The following HCCS variants were observed in gnomAD, a reference collection of about 807,000 sequenced individuals.
HCCS encodes holocytochrome c-type synthase.
Under a neutral mutation model 24.2 loss-of-function variants are expected in HCCS, and 2 were observed. The ratio of observed to expected loss-of-function variants is 0.08; its 90% CI spans 0.03 to 0.26. The LOEUF (loss-of-function observed/expected upper bound fraction) is 0.26, where lower values mean the gene tolerates loss of function less well. HCCS is among the 10% of genes least tolerant of loss of function. HCCS has a pLI of 1.00. For synonymous variants in HCCS, 73 were observed against 76.2 expected (o/e 0.96, Z 0.22); for missense variants, 150 against 213.3 (o/e 0.70, Z 1.85).
chrX:11,119,281 A>G (rs1341921645), intron 5 of HCCS, among the ~76,000 whole-genome samples: 2 of 112,008 alleles, frequency 1.8e-5, no homozygotes, highest in South Asian at 3.7e-4. Flanking sequence ...ACTAAACACA[A>G]AGAGATGTCT....
intron 6 of HCCS, 54 bp downstream of exon 6, chrX:11,121,047 T>C: frequency 1.1e-6 from 1 of 944,915 alleles, no homozygotes; most frequent in Non-Finnish European, 1.5e-6. Flanking sequence ...GGGTCAACTT[T>C]CTCTTCACAC....
Position 11,114,993 on chromosome X carries a change from C to T in HCCS, c.252+7C>T. ...CCTAGATCCTTCAAATCTGGTAATC[C>T]ACACTCATCTTTTCTTTCTGGAGCT... On this transcript the variant is annotated splice_region_variant and intron_variant, in intron 3 of 6. Coordinates refer to ENST00000380762, the MANE Select transcript of HCCS (RefSeq NM_005333.5). The T allele has an allele frequency of 8.3e-7, 1 of 1,204,266 alleles. No individual in the cohort carries two copies. The highest frequency in any genetic ancestry group is 1.7e-5 in the African/African-American group (1 of 57,716).
At position 11,122,151 on chromosome X, in the gene HCCS, T is replaced by A. The variant is rs937678280; in HGVS notation, c.*341T>A. Reference sequence around the variant, plus strand: ...AAAAAGTGATGAAAGTTGCTTTTTTTTCTTACTATTTTCTCAGGAATACTC... The same window carrying A: ...AAAAAGTGATGAAAGTTGCTTTTTTATCTTACTATTTTCTCAGGAATACTC... On this transcript the variant is annotated 3_prime_UTR_variant, in exon 7 of 7. Transcript: ENST00000380762. 15 of 202,517 alleles carry A rather than the reference T, an allele frequency of 7.4e-5. No individual in the cohort carries two copies. Among genetic ancestry groups the A allele is most frequent in the Non-Finnish European group, 1.2e-4 (13 of 111,327 alleles). 16.7% of individuals were successfully genotyped at this position (202,517 alleles called of 1,213,427 possible).
intron 3 of HCCS, among the ~76,000 whole-genome samples, chrX:11,116,519 A>G (rs891812805): frequency 8.9e-6 from 1 of 112,951 alleles, no homozygotes; most frequent in African/African-American, 3.2e-5. Flanking sequence ...AATGTTTACT[A>G]GGAAATCCTT....
Position 11,122,291 on chromosome X carries a change from A to T in HCCS, c.*481A>T, listed in dbSNP as rs1244445716. ...AGGTGATTATACCTTTTTTAAAAAA[A>T]GTTACCATTATTTCTAAAGCCCCTA... On this transcript the variant is annotated 3_prime_UTR_variant, in exon 7 of 7. Transcript: ENST00000380762. 1 of 118,486 alleles carries T rather than the reference A, an allele frequency of 8.4e-6. No individual in the cohort carries two copies. Among genetic ancestry groups the T allele is most frequent in the Non-Finnish European group, 1.7e-5 (1 of 57,247 alleles). The allele number at this position is 118,486 out of a possible 1,213,427, so 9.8% of individuals were successfully genotyped here. A position where few individuals can be genotyped will look rare whatever the true frequency, so the allele number is the denominator to read the frequency against.
Position 11,112,055 on chromosome X carries a change from C to G in HCCS, c.-6C>G, listed in dbSNP as rs1248136368. ...AAATTGTTTACAGTCAACACTGTTT[C>G]CAGCCATGGGTTTGTCTCCATCTGC... is the stretch of plus-strand genomic sequence containing the variant. On this transcript the variant is annotated 5_prime_UTR_variant, in exon 2 of 7. Transcript: ENST00000380762. 8.4e-7 allele frequency: 1 copy of G among 1,192,105 alleles called. No homozygotes were observed. The highest frequency in any genetic ancestry group is 1.8e-5 in the South Asian group (1 of 56,584).
In HCCS at chrX:11,122,645, A is replaced by G. The variant is rs1359720260; in HGVS notation, c.*835A>G. The G allele has an allele frequency of 2.7e-5, 3 of 112,464 alleles. No homozygotes were observed. Among genetic ancestry groups the G allele is most frequent in the African/African-American group, 9.7e-5 (3 of 30,846 alleles). The allele number at this position is 112,464 out of a possible 1,213,427, so 9.3% of individuals were successfully genotyped here. On this transcript the variant is annotated 3_prime_UTR_variant, in exon 7 of 7. Coordinates refer to ENST00000380762, the MANE Select transcript of HCCS (RefSeq NM_005333.5). The stretch of plus-strand genomic sequence containing the variant: ...ATCCAAACCTTGAAAGCCTGGCTTA[A>G]GTCCCAGTATCAGTGATGGTCCCCC...
chrX:11,113,388 G>A (rs1186007045), intron 2 of HCCS, among the ~76,000 whole-genome samples: 2 of 112,261 alleles, frequency 1.8e-5, no homozygotes, highest in Non-Finnish European at 3.8e-5. Context: ...GTGGTCTTAC[G>A]ACTTCATAAG....
intron 1 of HCCS, 84 bp from the exon 2 acceptor site, chrX:11,111,932 AGAG>A (rs766339275): frequency 2.2e-5 from 12 of 544,253 alleles, no homozygotes; most frequent in Middle Eastern, 3.5e-4. Flanking sequence ...GGGATGACAA[AGAG>A]GAGGAACAAG....
intron 1 of HCCS, among the ~76,000 whole-genome samples, chrX:11,111,781 C>G (rs1163938519): frequency 8.9e-6 from 1 of 112,290 alleles, no homozygotes; most frequent in African/African-American, 3.2e-5. Flanking sequence ...CAGCGACTGC[C>G]TCACCTCAGT....
intron 3 of HCCS, among the ~76,000 whole-genome samples, chrX:11,116,822 CAT>C (rs1225153427): frequency 8.9e-6 from 1 of 112,645 alleles, no homozygotes; most frequent in South Asian, 3.7e-4. Context: ...AGGGATGAAG[CAT>C]AAGCAGAAAC....
rs750639957 is a variant in HCCS, at chrX:11,118,288, G to A, written c.402-213G>A. ...TGAACCTTTTATATTTGTTTTCAATGCTTCTATAGTAGCTTTGGATTTATA... is the reference window on the plus strand; with the variant it reads ...TGAACCTTTTATATTTGTTTTCAATACTTCTATAGTAGCTTTGGATTTATA... On this transcript the variant is annotated intron_variant, in intron 4 of 6. Transcript: ENST00000380762. 2.2e-4 allele frequency: 101 copies of A among 459,999 alleles called. No homozygotes were observed. In the East Asian group the frequency reaches 4.1e-3, roughly 19 times the overall value. 37.9% of individuals were successfully genotyped at this position (459,999 alleles called of 1,213,427 possible).
intron 3 of HCCS, 95 bp from the exon 4 acceptor site, chrX:11,117,172 T>C: frequency 1.4e-6 from 1 of 734,549 alleles, no homozygotes; most frequent in South Asian, 2.2e-5. Flanking sequence ...AAGTAATCTG[T>C]GCTTTTTGTG....
rs765377879 is a variant in HCCS, at chrX:11,116,455, G to C, written c.253-812G>C. The stretch of plus-strand genomic sequence containing the variant: ...TACTCTGCAGTGCCTACTACACATA[G>C]CCCTTCCTGCTGTCGGTATTCTGAG... On this transcript the variant is annotated intron_variant, in intron 3 of 6. Coordinates refer to ENST00000380762, the MANE Select transcript of HCCS (RefSeq NM_005333.5). Among the ~76,000 whole-genome samples, 16 of 112,790 alleles carry C rather than the reference G, an allele frequency of 1.4e-4. No individual in the cohort carries two copies. The Admixed American group carries it at 1.5e-3, about 11-fold the overall frequency.
chrX:11,114,769 C>T (rs1368681075), intron 2 of HCCS, 66 bp from the exon 3 acceptor site: 4 of 1,002,259 alleles, frequency 4.0e-6, no homozygotes, highest in Non-Finnish European at 5.6e-6. Context: ...CTCTTTAGTG[C>T]TCCAATTGAG....
chrX:11,120,863 A>G, intron 5 of HCCS, 44 bp from the exon 6 acceptor site: 1 of 1,081,259 alleles, frequency 9.2e-7, no homozygotes, highest in Non-Finnish European at 1.3e-6. Flanking sequence ...TTGTCAAAGA[A>G]AAGAAAATAT....
chrX:11,121,018 T>TGAAGTCAACAAGGACTACCAG, intron 6 of HCCS, 25 bp downstream of exon 6: 1 of 1,113,724 alleles, frequency 9.0e-7, no homozygotes, highest in African/African-American at 1.8e-5. Context: ...AGAAGTGTTG[T>TGAAGTCAACAAGGACTACCAG]TTCACCATCC....
chrX:11,121,529 G>A (rs1211904384), intron 6 of HCCS, 83 bp from the exon 7 acceptor site: 13 of 803,932 alleles, frequency 1.6e-5, no homozygotes, highest in African/African-American at 8.0e-5. Flanking sequence ...GTTTGCATGT[G>A]CTTCTTGAGT....
At chrX:11,120,328 TAG>T (rs1436015774) in intron 5 of HCCS, among the ~76,000 whole-genome samples, 1 of 111,672 alleles carries the variant, frequency 9.0e-6, no homozygotes, top group African/African-American at 3.3e-5. Context: ...GGCTGGCACC[TAG>T]AGAGTCCTCA....
Sources: gnomAD v4.1 joint callset for allele counts (sites outside exome capture counted in the v4.1 genomes callset) on GRCh38, gnomAD v4.1.1 for gene constraint, MANE v1.5 for transcripts, NCBI Gene and HGNC (gene_info 2026-07-23, HGNC 2026-07-21) for gene names.